Variants in SEMA3A observed in about 807,000 individuals in gnomAD.
The protein encoded by SEMA3A is semaphorin-3A.
In SEMA3A, 29 loss-of-function variants were observed where a neutral mutation model predicts 97.9. The ratio of observed to expected loss-of-function variants is 0.30; its 90% CI spans 0.22 to 0.40. SEMA3A has a LOEUF of 0.40. Among genes scored for constraint, SEMA3A ranks in the 10% least tolerant of loss-of-function variants. The pLI is 1.00. For synonymous variants in SEMA3A, 321 were observed against 323.7 expected (o/e 0.99, Z 0.09); for missense variants, 763 against 951.3 (o/e 0.80, Z 2.60).
chr7:84,099,317 G>A (rs1296066120), intron 4 of SEMA3A, among the ~76,000 whole-genome samples: 1 of 55,082 alleles, frequency 1.8e-5, no homozygotes, highest in African/African-American at 3.6e-5. Context: ...TGATCCGCCC[G>A]CCTCGGCCTC....
chr7:84,044,416 T>A (rs1198996177), intron 6 of SEMA3A, among the ~76,000 whole-genome samples: 1 of 152,086 alleles, frequency 6.6e-6, no homozygotes, highest in Non-Finnish European at 1.5e-5. Context: ...CCCCTTTGAT[T>A]ACCACAGTGT....
intron 12 of SEMA3A, among the ~76,000 whole-genome samples, chr7:83,999,458 C>T (rs1308287002): frequency 1.3e-5 from 2 of 151,928 alleles, no homozygotes; most frequent in Non-Finnish European, 2.9e-5. Context: ...CTTATTTTTA[C>T]AATGTCGTGA....
At chr7:83,996,987 T>C (rs1790249093) in intron 12 of SEMA3A, among the ~76,000 whole-genome samples, 1 of 152,196 alleles carries the variant, frequency 6.6e-6, no homozygotes, top group African/African-American at 2.4e-5. Flanking sequence ...GTATATTGGA[T>C]GTAACTGAAA....
rs764464529 is a variant in SEMA3A, at chr7:84,005,554, G to A, written c.1145C>T (p.Pro382Leu). ...RVPYPRPGTC[P>L]SKTFGGFDST... ...GTCAAAACCACCAAATGTTTTGCTG[G>A]GACACTATTAAGATAAAGAGAAAAT... The change falls in exon 11 of 17, where the codon CCC (proline) becomes CTC (leucine). Residue 382 changes from proline (P) to leucine (L), a missense_variant. Physicochemically the swap from Pro to Leu is moderately conservative, Grantham distance 98. Coordinates refer to ENST00000265362, the MANE Select transcript of SEMA3A (RefSeq NM_006080.3). 1 of 1,603,998 alleles carries A rather than the reference G, an allele frequency of 6.2e-7. No individual in the cohort carries two copies. Among genetic ancestry groups the A allele is most frequent in the East Asian group, 2.2e-5 (1 of 44,780 alleles).
rs1336122735 is a variant in SEMA3A, at chr7:84,060,420, T to G, written c.547+45A>C. ...TAAAAAAGAACATACAACCTGTTTG[T>G]TATTTATAGAAAACTCACTATTTAA... On this transcript the variant is annotated intron_variant, in intron 5 of 16. Transcript: ENST00000265362. 3.2e-6 allele frequency: 4 copies of G among 1,233,370 alleles called. No homozygotes were observed. The African/African-American group carries it at 6.2e-5, about 19-fold the overall frequency. 76.4% of individuals were successfully genotyped at this position (1,233,370 alleles called of 1,614,324 possible).
At chr7:84,111,330 T>G (rs1384861593) in intron 3 of SEMA3A, among the ~76,000 whole-genome samples, 1 of 152,176 alleles carries the variant, frequency 6.6e-6, no homozygotes, top group East Asian at 1.9e-4. Flanking sequence ...ACTCCCAAAG[T>G]CATTCTCTAT....
intron 1 of SEMA3A, among the ~76,000 whole-genome samples, chr7:84,411,334 T>G: frequency 6.6e-6 from 1 of 152,238 alleles, no homozygotes. Flanking sequence ...GAGCATAAAC[T>G]TGAACAGGAA....
intron 4 of SEMA3A, among the ~76,000 whole-genome samples, chr7:84,096,045 T>C (rs181608598): frequency 6.6e-6 from 1 of 152,204 alleles, no homozygotes; most frequent in Non-Finnish European, 1.5e-5. Flanking sequence ...AATTATTGAA[T>C]GTTACTAATA....
chr7:84,279,731 G>A (rs1800391180), intron 3 of SEMA3A, among the ~76,000 whole-genome samples: 1 of 152,064 alleles, frequency 6.6e-6, no homozygotes, highest in African/African-American at 2.4e-5. Flanking sequence ...TTTCTAATAT[G>A]AAATAGTAGA....
chr7:84,097,020 T>C (rs762850319), intron 4 of SEMA3A, among the ~76,000 whole-genome samples: 18 of 152,198 alleles, frequency 1.2e-4, no homozygotes, highest in Non-Finnish European at 2.2e-4. Context: ...ATGACAAGAA[T>C]ACGGATTCTT....
chr7:84,461,856 C>T (rs1240093350), intron 1 of SEMA3A, among the ~76,000 whole-genome samples: 1 of 152,070 alleles, frequency 6.6e-6, no homozygotes, highest in African/African-American at 2.4e-5. Flanking sequence ...TCATTTAATT[C>T]TACATTGCTC....
At chr7:84,221,611 T>C (rs779311953) in intron 3 of SEMA3A, among the ~76,000 whole-genome samples, 4 of 151,988 alleles carry the variant, frequency 2.6e-5, no homozygotes, top group Non-Finnish European at 5.9e-5. Flanking sequence ...ATACTGAAAT[T>C]ATTGTTCTAA....
At chr7:84,257,664 A>T (rs1799749045) in intron 3 of SEMA3A, among the ~76,000 whole-genome samples, 1 of 152,178 alleles carries the variant, frequency 6.6e-6, no homozygotes, top group Non-Finnish European at 1.5e-5. Context: ...ATTTTCTCTC[A>T]TCTGATTCAT....
At chr7:84,473,268 TCTATAA>T (rs1005529802) in intron 1 of SEMA3A, among the ~76,000 whole-genome samples, 100 of 151,546 alleles carry the variant, frequency 6.6e-4, no homozygotes, top group African/African-American at 1.2e-3. Flanking sequence ...TTTTTTATTC[TCTATAA>T]CTATAACTTT....
At position 84,273,463 on chromosome 7, in the gene SEMA3A, C is replaced by T. The variant is rs373204346; in HGVS notation, c.-83+33744G>A. Among the ~76,000 whole-genome samples the T allele has an allele frequency of 1.2e-4, 19 of 152,182 alleles. No individual in the cohort carries two copies. In the East Asian group the frequency reaches 1.9e-3, roughly 15 times the overall value. On this transcript the variant is annotated intron_variant, in intron 3 of 3. Transcript: ENST00000424555. ...TGCCAGGAAATCTAAGACATTTTAG[C>T]GCATGAATGCATAAAGTGAATTTTA...
intron 3 of SEMA3A, among the ~76,000 whole-genome samples, chr7:84,120,770 G>A (rs986093454): frequency 6.6e-6 from 1 of 152,156 alleles, no homozygotes; most frequent in Non-Finnish European, 1.5e-5. Context: ...TAAAGGGTCT[G>A]GGGTTTTACC....
At chr7:84,170,154 T>C (rs899598317) in intron 1 of SEMA3A, among the ~76,000 whole-genome samples, 2 of 151,988 alleles carry the variant, frequency 1.3e-5, no homozygotes, top group Non-Finnish European at 2.9e-5. Flanking sequence ...ATGTAAGTTA[T>C]GGAAGATGAA....
chr7:84,054,483 C>T (rs1214337211), intron 5 of SEMA3A, among the ~76,000 whole-genome samples: 1 of 152,112 alleles, frequency 6.6e-6, no homozygotes, highest in African/African-American at 2.4e-5. Flanking sequence ...CCCTTTCTTC[C>T]AGTTGATCGC....
intron 4 of SEMA3A, among the ~76,000 whole-genome samples, chr7:84,102,336 G>A (rs4732540): frequency 0.43 from 65,082 of 151,986 alleles, 15,026 homozygotes; most frequent in Admixed American, 0.53. Context: ...TGTTTCTATT[G>A]TGAAATATGA....
Sources: gnomAD v4.1 joint callset for allele counts (sites outside exome capture counted in the v4.1 genomes callset) on GRCh38, gnomAD v4.1.1 for gene constraint, MANE v1.5 for transcripts, NCBI Gene and HGNC (gene_info 2026-07-23, HGNC 2026-07-21) for gene names.